CASP8: variants seen among roughly 807,000 people sequenced by gnomAD.
CASP8 encodes the protein caspase-8.
CASP8 carries 24 observed loss-of-function variants against 46.3 expected under a neutral mutation model. The ratio of observed to expected loss-of-function variants is 0.52; its 90% CI spans 0.38 to 0.73. The LOEUF (loss-of-function observed/expected upper bound fraction) is 0.73, where lower values mean the gene tolerates loss of function less well. CASP8 is among the 30% of genes least tolerant of loss of function. The probability of loss-of-function intolerance (pLI) is 0.00; values close to 1 mark genes in which losing one functional copy is unlikely to be tolerated. For missense variants in CASP8, 460 were observed against 559.0 expected, an observed-to-expected ratio of 0.82 and a Z score of 1.79; for synonymous variants, 188 against 200.4, an observed-to-expected ratio of 0.94 and a Z score of 0.52.
chr2:201,244,617 A>G (rs1576207574), intron 2 of CASP8, among the ~76,000 whole-genome samples: 1 of 152,342 alleles, frequency 6.6e-6, no homozygotes, highest in East Asian at 1.9e-4. Flanking sequence ...GAAAATAACC[A>G]GGCAAAGCAA....
rs1424909163 is a variant in CASP8, at chr2:201,267,000, G to A, written c.305+209G>A. On this transcript the variant is annotated intron_variant, in intron 2 of 8. Transcript: ENST00000673742. This position sits in a 1 kb window ranked among gnomAD's most constrained non-coding sequence, Gnocchi z 5.7. ...GCTTCTCCCCACCCTAGAGAGAGTG[G>A]GTAAACAAAGGCGTGAGAGAGAAAC... Among the ~76,000 whole-genome samples the A allele has an allele frequency of 6.6e-6, 1 of 152,004 alleles. No individual in the cohort carries two copies. Among genetic ancestry groups the A allele is most frequent in the African/African-American group, 2.4e-5 (1 of 41,382 alleles).
upstream of CASP8, among the ~76,000 whole-genome samples, chr2:201,259,157 C>A (rs1014215730): frequency 9.2e-5 from 14 of 152,144 alleles, no homozygotes; most frequent in African/African-American, 3.4e-4. Flanking sequence ...TTTGCTCATT[C>A]TGTTTCTATT....
At position 201,276,840 on chromosome 2, in the gene CASP8, T is replaced by A. The variant is rs2125318830; in HGVS notation, c.674T>A (p.Val225Asp). 1 of 1,614,040 alleles carries A rather than the reference T, an allele frequency of 6.2e-7. No individual in the cohort carries two copies. Among genetic ancestry groups the A allele is most frequent in the Non-Finnish European group, 8.5e-7 (1 of 1,179,988 alleles). Residue 225 changes from valine (V) to aspartate (D), a missense_variant, in exon 7 of 9, where the codon GTT becomes GAT. By Grantham distance (152) the Val-to-Asp change is radical (BLOSUM62 -3). Transcript: ENST00000673742. ...QDSESQTLDK[V>D]YQMKSKPRGY... ...TTTGTTTTCCAGACTTTGGACAAAGTTTACCAAATGAAAAGCAAACCTCGG... is the reference window on the plus strand; with the variant it reads ...TTTGTTTTCCAGACTTTGGACAAAGATTACCAAATGAAAAGCAAACCTCGG...
chr2:201,268,553 A>G (rs1214964353), intron 2 of CASP8, among the ~76,000 whole-genome samples: 1 of 150,252 alleles, frequency 6.7e-6, no homozygotes, highest in Non-Finnish European at 1.5e-5. Flanking sequence ...CTCTGTCTCA[A>G]AAAAAAAAAG....
chr2:201,258,294 C>G (rs1009720305), upstream of CASP8: 4 of 1,613,936 alleles, frequency 2.5e-6, no homozygotes, highest in African/African-American at 5.3e-5. Context: ...TCCTGGGAGC[C>G]TTTCCCACCC....
At chr2:201,252,336 C>T (rs1251254442) in intron 2 of CASP8, among the ~76,000 whole-genome samples, 1 of 152,018 alleles carries the variant, frequency 6.6e-6, no homozygotes, top group Non-Finnish European at 1.5e-5. Context: ...AGTACAGTGG[C>T]ATGAACTTGG....
At chr2:201,263,317 A>T (rs1947557197) in intron 1 of CASP8, among the ~76,000 whole-genome samples, 1 of 152,208 alleles carries the variant, frequency 6.6e-6, no homozygotes, top group Admixed American at 6.5e-5. Context: ...TGTAATCAGG[A>T]ACTGGCTATG....
chr2:201,269,276 G>A (rs529063070), intron 2 of CASP8, among the ~76,000 whole-genome samples: 3 of 152,162 alleles, frequency 2.0e-5, no homozygotes, highest in Non-Finnish European at 4.4e-5. Context: ...ATCTGCAAAC[G>A]TCCTGGGTCC....
intron 5 of CASP8, 92 bp from the exon 6 acceptor site, chr2:201,274,797 G>T (rs1383999988): frequency 2.0e-6 from 2 of 1,009,998 alleles, no homozygotes; most frequent in Admixed American, 2.0e-5. Flanking sequence ...TCTTAAAAAA[G>T]ACCTTATGTT....
chr2:201,271,042 G>T (rs746067137), intron 2 of CASP8, among the ~76,000 whole-genome samples: 16 of 152,074 alleles, frequency 1.1e-4, no homozygotes, highest in African/African-American at 2.9e-4. Context: ...TCGTGTTTGC[G>T]GTCTGGTCTG....
intron 2 of CASP8, among the ~76,000 whole-genome samples, chr2:201,237,338 G>A (rs757917556): frequency 6.7e-6 from 1 of 148,910 alleles, no homozygotes; most frequent in African/African-American, 2.5e-5. Flanking sequence ...TGATCTGCCC[G>A]CCTCGGCTTC....
intron 2 of CASP8, among the ~76,000 whole-genome samples, chr2:201,250,349 C>T (rs1946723324): frequency 6.6e-6 from 1 of 152,156 alleles, no homozygotes; most frequent in Non-Finnish European, 1.5e-5. Context: ...AAAGAGATAC[C>T]TGAGGTTGGG....
At chr2:201,249,640 G>A (rs541990447) in intron 2 of CASP8, among the ~76,000 whole-genome samples, 3 of 152,200 alleles carry the variant, frequency 2.0e-5, no homozygotes, top group African/African-American at 2.4e-5. Flanking sequence ...CGAGAGGATC[G>A]CTTGAGCGCG....
chr2:201,270,951 A>G (rs922938329), intron 2 of CASP8, among the ~76,000 whole-genome samples: 1 of 152,174 alleles, frequency 6.6e-6, no homozygotes, highest in Non-Finnish European at 1.5e-5. Flanking sequence ...GCCTCTGCAG[A>G]TAGACAAGGG....
rs1335918756 is a variant in CASP8 at position 201,272,947 on chromosome 2, T to C, written c.595+5T>C. The C allele has an allele frequency of 1.2e-6, 2 of 1,612,856 alleles. No individual in the cohort carries two copies. Among genetic ancestry groups the C allele is most frequent in the Admixed American group, 1.7e-5 (1 of 59,996 alleles). On this transcript the variant is annotated splice_donor_5th_base_variant and intron_variant, in intron 5 of 8. Transcript: ENST00000673742. This position sits in a 1 kb window ranked among gnomAD's most constrained non-coding sequence, Gnocchi z 4.4. ...GTCCTGATGAATTTTCAAATGGTAA[T>C]GCTTGGAGATACATTTTCAAGATTT... is the stretch of plus-strand genomic sequence containing the variant.
At chr2:201,241,040 A>G (rs1175284634) in intron 2 of CASP8, 2 of 152,244 alleles carry the variant, frequency 1.3e-5, no homozygotes, top group African/African-American at 2.4e-5. Context: ...GCAAAGAAGT[A>G]CTAAGAGGTA....
chr2:201,241,513 GT>G (rs1946298760), intron 2 of CASP8: 1 of 152,228 alleles, frequency 6.6e-6, no homozygotes, highest in South Asian at 2.1e-4. Flanking sequence ...GAAATACAAA[GT>G]CTGAACAGAC....
intron 2 of CASP8, chr2:201,240,903 A>T (rs1205118292): frequency 1.3e-5 from 2 of 152,224 alleles, no homozygotes; most frequent in Non-Finnish European, 2.9e-5. Context: ...AATATGTGGA[A>T]ATTAAACAAC....
At chr2:201,263,416 C>T (rs181994872) in intron 1 of CASP8, among the ~76,000 whole-genome samples, 1 of 152,100 alleles carries the variant, frequency 6.6e-6, no homozygotes, top group East Asian at 1.9e-4. Context: ...AAAGTACTTA[C>T]AATACAAGAT....
Sources: allele counts gnomAD v4.1 joint callset (sites outside exome capture counted in the v4.1 genomes callset), GRCh38; gene constraint gnomAD v4.1.1; non-coding constraint Gnocchi (gnomAD v3.1); transcripts MANE v1.5; gene names NCBI Gene and HGNC (gene_info 2026-07-23, HGNC 2026-07-21).